Variants in BMPR2 observed in about 807,000 individuals in gnomAD.
BMPR2 encodes the protein bone morphogenetic protein receptor type 2.
A neutral mutation model predicts 100.8 loss-of-function variants in BMPR2; 29 were observed. That is an observed-to-expected ratio of 0.29 (90% CI 0.21 to 0.39). The LOEUF (loss-of-function observed/expected upper bound fraction) is 0.39, where lower values mean the gene tolerates loss of function less well. Among genes scored for constraint, BMPR2 ranks in the 10% least tolerant of loss-of-function variants. The probability of loss-of-function intolerance (pLI) is 1.00; values close to 1 mark genes in which losing one functional copy is unlikely to be tolerated. For missense variants in BMPR2, 1,011 were observed against 1,274.5 expected (o/e 0.79, Z 3.15); for synonymous variants, 382 against 442.3 (o/e 0.86, Z 1.71).
chr2:202,483,871 C>A (rs1692713520), intron 3 of BMPR2, among the ~76,000 whole-genome samples: 1 of 152,158 alleles, frequency 6.6e-6, no homozygotes, highest in Non-Finnish European at 1.5e-5. Flanking sequence ...GTGGGAAAAT[C>A]ATTTGATGCC....
intron 1 of BMPR2, among the ~76,000 whole-genome samples, chr2:202,401,497 G>T (rs1296159859): frequency 6.6e-6 from 1 of 152,124 alleles, no homozygotes; most frequent in Non-Finnish European, 1.5e-5. Context: ...TCAGTAGACC[G>T]CATTTACCAA....
intron 3 of BMPR2, among the ~76,000 whole-genome samples, chr2:202,499,960 G>A (rs566605055): frequency 1.6e-4 from 25 of 152,274 alleles, no homozygotes; most frequent in African/African-American, 5.3e-4. Flanking sequence ...AAAAAAGATT[G>A]TCCAATGAGA....
At chr2:202,389,544 A>G (rs1277266518) in intron 1 of BMPR2, among the ~76,000 whole-genome samples, 3 of 151,582 alleles carry the variant, frequency 2.0e-5, no homozygotes, top group African/African-American at 7.3e-5. Context: ...AAAAAAAAAA[A>G]AGACTTGTTT....
intron 3 of BMPR2, among the ~76,000 whole-genome samples, chr2:202,484,074 C>G (rs1252203241): frequency 6.6e-6 from 1 of 152,164 alleles, no homozygotes; most frequent in Non-Finnish European, 1.5e-5. Flanking sequence ...GAGAGAGTAT[C>G]TTACTCTATA....
Position 202,546,267 on chromosome 2 carries a change from A to G in BMPR2, c.1413+3820A>G, listed in dbSNP as rs181317095. On this transcript the variant is annotated intron_variant, in intron 10 of 12. Coordinates refer to ENST00000374580, the MANE Select transcript of BMPR2 (RefSeq NM_001204.7). ...AAGAGAGAAATGCAGCTATGTCTAA[A>G]GAAGCCATTTTTGCTTTCATAGTTG... 1.8e-3 allele frequency among the ~76,000 whole-genome samples: 270 copies of G among 152,372 alleles called. 1 individual carries two copies. Among genetic ancestry groups the G allele is most frequent in the Middle Eastern group, 6.8e-3 (2 of 294 alleles).
At chr2:202,543,383 T>A (rs1688317190) in intron 10 of BMPR2, among the ~76,000 whole-genome samples, 1 of 151,128 alleles carries the variant, frequency 6.6e-6, no homozygotes, top group Non-Finnish European at 1.5e-5. Context: ...ATATAATCTT[T>A]TAGTATAAAT....
At chr2:202,423,711 G>A (rs1220314409) in intron 1 of BMPR2, among the ~76,000 whole-genome samples, 3 of 152,028 alleles carry the variant, frequency 2.0e-5, no homozygotes, top group Non-Finnish European at 4.4e-5. Context: ...CTATGATGGC[G>A]CCACTGTACT....
intron 10 of BMPR2, among the ~76,000 whole-genome samples, chr2:202,548,883 G>A (rs754128280): frequency 5.3e-5 from 8 of 152,096 alleles, no homozygotes; most frequent in Non-Finnish European, 1.2e-4. Flanking sequence ...TACATTTAAA[G>A]AGCTATAATT....
Position 202,534,768 on chromosome 2 carries a change from C to G in BMPR2, c.1276+2036C>G, listed in dbSNP as rs571803806. 6.1e-3 allele frequency among the ~76,000 whole-genome samples: 936 copies of G among 152,274 alleles called. 9 individuals are homozygous for G. The highest frequency in any genetic ancestry group is 0.013 in the Admixed American group (202 of 15,304). On this transcript the variant is annotated intron_variant, in intron 9 of 12. Transcript: ENST00000374580. ...GTCATCCTGGCCCGTTCTCAATGAG[C>G]TGTTGGGCACACCTCCCAGACGGGG...
In BMPR2 at chr2:202,555,592, A is replaced by G. The variant is rs780150866; in HGVS notation, c.1927A>G (p.Thr643Ala). 6.2e-6 allele frequency: 10 copies of G among 1,614,030 alleles called. No homozygotes were observed. In the East Asian group the frequency reaches 2.2e-4, roughly 36 times the overall value. Residue 643 changes from threonine to alanine, a missense_variant, in exon 12 of 13, where the codon ACA becomes GCA. Thr to Ala is a moderately conservative substitution (Grantham distance 58). Around this residue, in one of 6 missense-constraint regions of BMPR2, gnomAD observed 508 missense variants for 552.0 expected, o/e 0.92. Coordinates refer to ENST00000374580, the MANE Select transcript of BMPR2 (RefSeq NM_001204.7). The stretch of plus-strand genomic sequence containing the variant: ...CCCAGATGAAACAAATCTGCATACC[A>G]CAAATGTTGCACAGTCAATTGGGCC... ...PYPDETNLHTTNVAQSIGPTP... is the reference protein window; with the variant it reads ...PYPDETNLHTANVAQSIGPTP...
At chr2:202,394,072 G>T (rs561247672) in intron 1 of BMPR2, among the ~76,000 whole-genome samples, 1 of 152,182 alleles carries the variant, frequency 6.6e-6, no homozygotes, top group East Asian at 1.9e-4. Context: ...ACTCCTGGCC[G>T]GGCGTGGTGG....
Position 202,377,144 on chromosome 2 carries a change from T to G in BMPR2, c.-331T>G. On this transcript the variant is annotated 5_prime_UTR_variant, in exon 1 of 13. Transcript: ENST00000374580. Reference sequence around the variant, plus strand: ...CTCCCAGACCTGGATATTTTTTTGATATCGTGAAACTACGAGGGAAATAAT... The same window carrying G: ...CTCCCAGACCTGGATATTTTTTTGAGATCGTGAAACTACGAGGGAAATAAT... 3 of 584,754 alleles carry G rather than the reference T, an allele frequency of 5.1e-6. No homozygotes were observed. Among genetic ancestry groups the G allele is most frequent in the Non-Finnish European group, 3.0e-6 (1 of 329,466 alleles). 36.2% of individuals were successfully genotyped at this position (584,754 alleles called of 1,614,324 possible).
chr2:202,407,898 A>T (rs1690935711), intron 1 of BMPR2, among the ~76,000 whole-genome samples: 1 of 149,534 alleles, frequency 6.7e-6, no homozygotes, highest in Admixed American at 6.7e-5. Flanking sequence ...CAGTGGCGTG[A>T]TCTCGGCTCA....
At chr2:202,474,284 T>C (rs1692493902) in intron 3 of BMPR2, among the ~76,000 whole-genome samples, 1 of 151,456 alleles carries the variant, frequency 6.6e-6, no homozygotes, top group African/African-American at 2.4e-5. Context: ...CGAAACCCCA[T>C]CTCTACTAAA....
At chr2:202,466,301 T>C (rs1488347314) in intron 2 of BMPR2, among the ~76,000 whole-genome samples, 1 of 152,176 alleles carries the variant, frequency 6.6e-6, no homozygotes, top group Non-Finnish European at 1.5e-5. Context: ...TATTTTTATT[T>C]TTTGAGATGG....
rs1041428290 is a variant in BMPR2 at position 202,377,079 on chromosome 2, C to T, written c.-396C>T. The T allele has an allele frequency of 2.1e-5, 11 of 534,456 alleles. No homozygotes were observed. The highest frequency in any genetic ancestry group is 1.4e-4 in the African/African-American group (7 of 51,654). The allele number at this position is 534,456 out of a possible 1,614,324, so 33.1% of individuals were successfully genotyped here. On this transcript the variant is annotated 5_prime_UTR_variant, in exon 1 of 13. Coordinates refer to ENST00000374580, the MANE Select transcript of BMPR2 (RefSeq NM_001204.7). Reference sequence around the variant, plus strand: ...TAGTTCTGACCCTCGCCCCCCGACCCCGGATCGAATCCCCGCCCTCCGCAC... The same window carrying T: ...TAGTTCTGACCCTCGCCCCCCGACCTCGGATCGAATCCCCGCCCTCCGCAC...
chr2:202,452,675 A>C (rs1692012727), intron 1 of BMPR2, among the ~76,000 whole-genome samples: 1 of 152,246 alleles, frequency 6.6e-6, no homozygotes, highest in Non-Finnish European at 1.5e-5. Flanking sequence ...AAAGAAGTAC[A>C]TCAATAATTT....
rs150282944 is a variant in BMPR2, at chr2:202,399,310, T to C, written c.76+21760T>C. Among the ~76,000 whole-genome samples, 39 of 152,262 alleles carry C rather than the reference T, an allele frequency of 2.6e-4. No homozygotes were observed. The East Asian group carries it at 3.9e-3, about 15-fold the overall frequency. On this transcript the variant is annotated intron_variant, in intron 1 of 12. Coordinates refer to ENST00000374580, the MANE Select transcript of BMPR2 (RefSeq NM_001204.7). ...GACCTGAGGAATAATCAGCCAGATA[T>C]GTGAATAATTGCAGGAAAAACATTC...
At chr2:202,508,138 G>C (rs1687562158) in intron 3 of BMPR2, among the ~76,000 whole-genome samples, 2 of 150,742 alleles carry the variant, frequency 1.3e-5, no homozygotes, top group Non-Finnish European at 1.5e-5. Flanking sequence ...TGTCACCCAG[G>C]CTGGAGTGCA....
Sources: gnomAD v4.1 joint callset for allele counts (sites outside exome capture counted in the v4.1 genomes callset) on GRCh38, gnomAD v4.1.1 for gene constraint, gnomAD v4.1.1 regional missense constraint, MANE v1.5 for transcripts, NCBI Gene and HGNC (gene_info 2026-07-23, HGNC 2026-07-21) for gene names.